The following RNF157 variants were observed in gnomAD, a reference collection of about 807,000 sequenced individuals.
RNF157 encodes E3 ubiquitin ligase RNF157.
In RNF157, 55 loss-of-function variants were observed where a neutral mutation model predicts 88.3. That is an observed-to-expected ratio of 0.62 (90% CI 0.50 to 0.78). The LOEUF is 0.78. Ranked by LOEUF, RNF157 falls within the 30% of genes least tolerant of loss-of-function variation. The probability of loss-of-function intolerance (pLI) is 0.00; values close to 1 mark genes in which losing one functional copy is unlikely to be tolerated. For missense variants in RNF157, 788 were observed against 860.8 expected (o/e 0.92, Z 1.06); for synonymous variants, 334 against 341.2 (o/e 0.98, Z 0.23).
chr17:76,202,126 TCTCACACA>T (rs1201952043), intron 2 of RNF157, among the ~76,000 whole-genome samples: 12 of 137,792 alleles, frequency 8.7e-5, no homozygotes, highest in African/African-American at 2.4e-4. Flanking sequence ...TCTCTCTCTC[TCTCACACA>T]CACACACACA....
At position 76,145,262 on chromosome 17, in the gene RNF157, G is replaced by A; in HGVS notation, c.2013C>T (p.Pro671=). ...AGACAGCCAAAGGGCCCCACACACA[G>A]GGCCTCGTCTCAGAGTCCTCCAGGC... The part of the protein sequence containing the change: ...SSSLEDSETR[P]CVWGPLAV The change falls in exon 19 of 19, where the codon CCC becomes CCT. Residue 671 remains proline (P), a synonymous_variant. Transcript: ENST00000269391. 6.2e-7 allele frequency: 1 copy of A among 1,607,144 alleles called. No homozygotes were observed.
chr17:76,164,721 AAC>A, intron 8 of RNF157, 25 bp downstream of exon 8: 2 of 1,475,138 alleles, frequency 1.4e-6, no homozygotes, highest in Non-Finnish European at 1.9e-6. Flanking sequence ...CCCTAATACT[AAC>A]AGTCTGTGGT....
chr17:76,218,564 G>T (rs2069929531), intron 1 of RNF157, among the ~76,000 whole-genome samples: 1 of 152,104 alleles, frequency 6.6e-6, no homozygotes, highest in Non-Finnish European at 1.5e-5. Context: ...AGGATTGCTG[G>T]AGGTCAAGGC....
At chr17:76,162,772 C>A in intron 8 of RNF157, 149 bp from the exon 9 acceptor site, 1 of 519,404 alleles carries the variant, frequency 1.9e-6, no homozygotes, top group African/African-American at 2.0e-5. Flanking sequence ...GTAAAAGATG[C>A]TTTTATTTAC....
chr17:76,173,734 G>A lies in RNF157; in HGVS notation c.264C>T (p.Val88=). Residue 88 remains valine (V), a synonymous_variant, in exon 3 of 19, where the codon GTC becomes GTT. Transcript: ENST00000269391. ...QEPVKTLRSL[V]NIRKDTLRLV... ...GCCTCAGTGTGTCCTTTCGGATATTGACCAGGCTTCTCAGAGTCTTCACGG... is the reference window on the plus strand; with the variant it reads ...GCCTCAGTGTGTCCTTTCGGATATTAACCAGGCTTCTCAGAGTCTTCACGG... The A allele has an allele frequency of 3.1e-6, 5 of 1,610,788 alleles. No individual in the cohort carries two copies. The highest frequency in any genetic ancestry group is 4.2e-6 in the Non-Finnish European group (5 of 1,178,268).
chr17:76,206,870 T>C (rs1450609400), intron 2 of RNF157, among the ~76,000 whole-genome samples: 1 of 152,222 alleles, frequency 6.6e-6, no homozygotes, highest in Non-Finnish European at 1.5e-5. Flanking sequence ...TAGCTAACAT[T>C]GCTGCATGCT....
chr17:76,145,491 A>C (rs73996149), intron 18 of RNF157, 138 bp from the exon 19 acceptor site: 6,888 of 623,590 alleles, frequency 0.011, 284 homozygotes, highest in African/African-American at 0.093. Context: ...GGTGCGAGCC[A>C]CAGCACTCGT....
At chr17:76,225,905 G>T (rs867152644) in intron 1 of RNF157, 1 of 1,613,256 alleles carries the variant, frequency 6.2e-7, no homozygotes, top group Admixed American at 1.7e-5. Context: ...CTCCTGCTCC[G>T]CCCTCTTCTT....
chr17:76,228,873 G>A (rs762996898), intron 1 of RNF157, among the ~76,000 whole-genome samples: 5 of 151,980 alleles, frequency 3.3e-5, no homozygotes, highest in African/African-American at 9.7e-5. Flanking sequence ...GCAGTGAGCT[G>A]AGACTGCGCC....
rs1051584889 is a variant in RNF157, at chr17:76,157,527, A to G, written c.1413+866T>C. ...CTAAAATGCTATTCCTCCATAACACATTTTCTGATTTCCTCCACTTACAAT... is the reference window on the plus strand; with the variant it reads ...CTAAAATGCTATTCCTCCATAACACGTTTTCTGATTTCCTCCACTTACAAT... On this transcript the variant is annotated intron_variant, in intron 13 of 18. Transcript: ENST00000269391. The surrounding 1 kb of genome is among the most constrained non-coding windows in gnomAD (Gnocchi z 5.6). Among the ~76,000 whole-genome samples, 8 of 152,006 alleles carry G rather than the reference A, an allele frequency of 5.3e-5. No individual in the cohort carries two copies. Among genetic ancestry groups the G allele is most frequent in the African/African-American group, 1.9e-4 (8 of 41,370 alleles).
chr17:76,176,371 A>C lies in RNF157; in HGVS notation c.208-2581T>G, dbSNP rs2069102670. ...AAGGATAAATGAAATTTGCAAATTC[A>C]GAGATAACAGAGAAGATGGAGGGGA... is the stretch of plus-strand genomic sequence containing the variant. On this transcript the variant is annotated intron_variant, in intron 2 of 18. Transcript: ENST00000269391. The surrounding 1 kb of genome is among the most constrained non-coding windows in gnomAD (Gnocchi z 4.2). Among the ~76,000 whole-genome samples the C allele has an allele frequency of 6.6e-6, 1 of 152,228 alleles. No homozygotes were observed. Among genetic ancestry groups the C allele is most frequent in the African/African-American group, 2.4e-5 (1 of 41,458 alleles).
intron 1 of RNF157, among the ~76,000 whole-genome samples, chr17:76,215,776 T>C (rs2069878815): frequency 6.6e-6 from 1 of 152,172 alleles, no homozygotes; most frequent in South Asian, 2.1e-4. Flanking sequence ...TTGAGAGTAA[T>C]AATGCAACCC....
rs775478178 is a variant in RNF157 at position 76,145,242 on chromosome 17, GCCA to G, written c.2030_2032del (p.Leu677_Ala678delinsSer). 1 of 1,602,058 alleles carries G rather than the reference GCCA, an allele frequency of 6.2e-7. No individual in the cohort carries two copies. The highest frequency in any genetic ancestry group is 8.5e-7 in the Non-Finnish European group (1 of 1,173,486). ...AAGTGCAGAGGCTGGGGCTCAGACA[GCCA>G]AAGGGCCCCACACACAGGGCCTCGT... On this transcript the variant is annotated inframe_deletion, in exon 19 of 19. Coordinates refer to ENST00000269391, the MANE Select transcript of RNF157 (RefSeq NM_052916.3).
At position 76,188,494 on chromosome 17, in the gene RNF157, G is replaced by A. The variant is rs114907926; in HGVS notation, c.208-14704C>T. 6.3e-3 allele frequency among the ~76,000 whole-genome samples: 960 copies of A among 152,176 alleles called. 9 individuals carry two copies. Among genetic ancestry groups the A allele is most frequent in the African/African-American group, 0.022 (915 of 41,502 alleles). On this transcript the variant is annotated intron_variant, in intron 2 of 18. Coordinates refer to ENST00000269391, the MANE Select transcript of RNF157 (RefSeq NM_052916.3). ...GATTACACTCCCTGAAGAATAAATA[G>A]GTGTCTTAGCATTAACCACAAGCTT... is the stretch of plus-strand genomic sequence containing the variant.
rs1026876523 is a variant in RNF157 at position 76,236,924 on chromosome 17, G to A, written c.88+3229C>T. ...TGCATTTACACAAGAAACTCTAAAA[G>A]AATTCCAAAGAAACCAAAAGTGGTT... is the stretch of plus-strand genomic sequence containing the variant. On this transcript the variant is annotated intron_variant, in intron 1 of 18. Transcript: ENST00000269391. Among the ~76,000 whole-genome samples the A allele has an allele frequency of 2.6e-5, 4 of 152,290 alleles. No individual in the cohort carries two copies. In the South Asian group the frequency reaches 8.3e-4, roughly 32 times the overall value.
Position 76,164,753 on chromosome 17 carries a change from G to A in RNF157, c.715C>T (p.Gln239Ter). 1.2e-6 allele frequency: 2 copies of A among 1,605,334 alleles called. No homozygotes were observed. The highest frequency in any genetic ancestry group is 1.7e-6 in the Non-Finnish European group (2 of 1,172,300). ...TFCVKPLKQK[Q>*]VVDGVSYLLQ... ...TGTGGTCTTCAAATACTTACTACTT[G>A]TTTCTGTTTGAGGGGCTTGACACAG... The change falls in exon 8 of 19, where the codon CAA becomes TAA. Residue 239 changes from glutamine (Q) to a stop codon, truncating the protein, a stop_gained. Transcript: ENST00000269391. LOFTEE classifies it high-confidence loss of function.
intron 1 of RNF157, among the ~76,000 whole-genome samples, chr17:76,234,172 A>G (rs2070242405): frequency 6.6e-6 from 1 of 152,136 alleles, no homozygotes; most frequent in Non-Finnish European, 1.5e-5. Context: ...TGAGTATAAC[A>G]TTTTCAAGGT....
chr17:76,164,633 G>T, intron 8 of RNF157, 115 bp downstream of exon 8: 1 of 549,778 alleles, frequency 1.8e-6, no homozygotes. Context: ...AAGAGGAAAA[G>T]GAGAGAGCAA....
At chr17:76,220,581 T>G (rs1301082668) in intron 1 of RNF157, among the ~76,000 whole-genome samples, 1 of 151,808 alleles carries the variant, frequency 6.6e-6, no homozygotes, top group Non-Finnish European at 1.5e-5. Context: ...TCCCAGCACT[T>G]GGGAAGGCCT....
Sources: gnomAD v4.1 joint callset for allele counts (sites outside exome capture counted in the v4.1 genomes callset) on GRCh38, gnomAD v4.1.1 for gene constraint, Gnocchi (gnomAD v3.1) non-coding constraint, MANE v1.5 for transcripts, NCBI Gene and HGNC (gene_info 2026-07-23, HGNC 2026-07-21) for gene names.